Variants in ZNF35 observed in about 807,000 individuals in gnomAD.
ZNF35 encodes the protein zinc finger protein 35, also known as zinc finger protein 35 (clone HF.10).
Under a neutral mutation model 45.9 loss-of-function variants are expected in ZNF35, and 31 were observed. The ratio of observed to expected loss-of-function variants is 0.68; its 90% CI spans 0.51 to 0.91. The LOEUF is 0.91. Among genes scored for constraint, ZNF35 ranks in the 40% least tolerant of loss-of-function variants. ZNF35 has a pLI of 0.00. For missense variants in ZNF35, 515 were observed against 625.4 expected (o/e 0.82, Z 1.88); for synonymous variants, 205 against 220.2 (o/e 0.93, Z 0.61).
At chr3:44,647,137 A>G (rs1164996856), upstream of ZNF35, 1 of 152,252 alleles carries the variant, frequency 6.6e-6, no homozygotes, top group East Asian at 1.9e-4. Flanking sequence ...TTTAACAGTA[A>G]TAAGTAAATA....
chr3:44,646,827 G>A, upstream of ZNF35: 1 of 326,564 alleles, frequency 3.1e-6, no homozygotes, highest in Non-Finnish European at 5.7e-6. Context: ...TTTGACAGGG[G>A]CAAAAGCAAT....
intron 1 of ZNF35, among the ~76,000 whole-genome samples, chr3:44,650,114 TTAATTC>T (rs1170873568): frequency 6.6e-6 from 1 of 152,044 alleles, no homozygotes; most frequent in Non-Finnish European, 1.5e-5. Context: ...GGTTATATAT[TTAATTC>T]TATATATTTC....
chr3:44,656,483 T>G (rs1703307540), intron 3 of ZNF35, among the ~76,000 whole-genome samples: 2 of 150,250 alleles, frequency 1.3e-5, no homozygotes, highest in Non-Finnish European at 3.0e-5. Context: ...CTCTGCCTCC[T>G]GGGTTCAATT....
At chr3:44,655,319 T>C (rs550643369) in intron 3 of ZNF35, among the ~76,000 whole-genome samples, 4 of 152,022 alleles carry the variant, frequency 2.6e-5, no homozygotes, top group Admixed American at 6.5e-5. Context: ...ATCTAATGAA[T>C]TGGACTTATA....
chr3:44,658,589 A>C (rs1312287330), intron 3 of ZNF35, 112 bp from the exon 4 acceptor site: 1 of 1,170,514 alleles, frequency 8.5e-7, no homozygotes, highest in African/African-American at 1.5e-5. Flanking sequence ...TCTTTGATGA[A>C]GCCATTTTGT....
chr3:44,658,157 G>T (rs1703341933), intron 3 of ZNF35, among the ~76,000 whole-genome samples: 1 of 152,118 alleles, frequency 6.6e-6, no homozygotes, highest in Non-Finnish European at 1.5e-5. Context: ...TGGCTGTCTT[G>T]GCAGCCAGTG....
In ZNF35 at chr3:44,652,614, G is replaced by A; in HGVS notation, c.250G>A (p.Ala84Thr). Residue 84 changes from alanine (A) to threonine (T), a missense_variant, in exon 3 of 4, where the codon GCT becomes ACT. Physicochemically the swap from Ala to Thr is moderately conservative, Grantham distance 58. This residue lies in a region of ZNF35 where 275 missense variants were observed against 295.7 expected (regional missense o/e 0.93). Transcript: ENST00000396056. The stretch of plus-strand genomic sequence containing the variant: ...CCTGAAAGCAACTCAGGAGGCACCT[G>A]CTGCTTCAACCCTTGGCAGCTACTC... ...VVLKATQEAP[A>T]ASTLGSYSLP... is the part of the protein sequence containing the mutation. The A allele has an allele frequency of 1.2e-6, 2 of 1,611,178 alleles. No homozygotes were observed. Among genetic ancestry groups the A allele is most frequent in the Non-Finnish European group, 1.7e-6 (2 of 1,178,832 alleles).
intron 3 of ZNF35, among the ~76,000 whole-genome samples, chr3:44,655,661 G>T (rs1703287145): frequency 6.6e-6 from 1 of 152,180 alleles, no homozygotes; most frequent in Non-Finnish European, 1.5e-5. Context: ...ATTTGAACTT[G>T]ACTATACCAG....
chr3:44,655,995 G>C (rs1303772653), intron 3 of ZNF35, among the ~76,000 whole-genome samples: 5 of 152,106 alleles, frequency 3.3e-5, no homozygotes, highest in African/African-American at 1.2e-4. Flanking sequence ...CTGGGGTATG[G>C]GAGGCCCACG....
At chr3:44,646,603 A>T (rs1702972494), upstream of ZNF35, 1 of 842,032 alleles carries the variant, frequency 1.2e-6, no homozygotes, top group Non-Finnish European at 2.0e-6. Flanking sequence ...TCAAAATATT[A>T]TTATGATGAA....
chr3:44,655,615 C>T (rs931969176), intron 3 of ZNF35, among the ~76,000 whole-genome samples: 16 of 152,100 alleles, frequency 1.1e-4, no homozygotes, highest in Admixed American at 7.9e-4. Context: ...GTTATACGCC[C>T]GGATTATTTG....
At chr3:44,652,917 G>C (rs1703230816) in intron 3 of ZNF35, among the ~76,000 whole-genome samples, 1 of 152,156 alleles carries the variant, frequency 6.6e-6, no homozygotes, top group Non-Finnish European at 1.5e-5. Context: ...GACAAACATA[G>C]GTGTTGTGCT....
At chr3:44,655,886 A>G (rs1703291578) in intron 3 of ZNF35, among the ~76,000 whole-genome samples, 1 of 152,224 alleles carries the variant, frequency 6.6e-6, no homozygotes, top group South Asian at 2.1e-4. Context: ...CCAACATTCT[A>G]AATCTCCCAG....
At position 44,650,942 on chromosome 3, in the gene ZNF35, A is replaced by G; in HGVS notation, c.-126A>G. On this transcript the variant is annotated splice_region_variant and 5_prime_UTR_variant, in exon 2 of 4. The change creates a new upstream start codon in the 5' untranslated region. Transcript: ENST00000396056. ...TAACAGTGTTTTCTGATTTCTCAGTAGGCAGTACTCATCTTGGCCCTGGGA... is the reference window on the plus strand; with the variant it reads ...TAACAGTGTTTTCTGATTTCTCAGTGGGCAGTACTCATCTTGGCCCTGGGA... The G allele has an allele frequency of 1.1e-6, 1 of 892,092 alleles. No individual in the cohort carries two copies. The allele number at this position is 892,092 out of a possible 1,614,324, so 55.3% of individuals were successfully genotyped here.
chr3:44,653,919 T>C (rs1387050211), intron 3 of ZNF35, among the ~76,000 whole-genome samples: 1 of 152,176 alleles, frequency 6.6e-6, no homozygotes, highest in Non-Finnish European at 1.5e-5. Context: ...CCCTAACCAG[T>C]TCCTCAGGCA....
chr3:44,653,183 CTTAAT>C (rs1489505900), intron 3 of ZNF35, among the ~76,000 whole-genome samples: 1 of 152,108 alleles, frequency 6.6e-6, no homozygotes, highest in Admixed American at 6.5e-5. Context: ...ACCTGGCAGC[CTTAAT>C]TTAACCCAAA....
At chr3:44,655,788 G>A (rs1000148749) in intron 3 of ZNF35, among the ~76,000 whole-genome samples, 5 of 152,316 alleles carry the variant, frequency 3.3e-5, no homozygotes, top group Non-Finnish European at 7.3e-5. Context: ...GTTTTGTAAT[G>A]GTTTTGACAT....
At position 44,659,280 on chromosome 3, in the gene ZNF35, T is replaced by C. The variant is rs191633770; in HGVS notation, c.917T>C (p.Phe306Ser). 6.2e-7 allele frequency: 1 copy of C among 1,613,872 alleles called. No individual in the cohort carries two copies. Among genetic ancestry groups the C allele is most frequent in the East Asian group, 2.2e-5 (1 of 44,876 alleles). ...AAAATCCACTCCTTAGAAAAAACTT[T>C]TAAGTGCAATGAATGTGAGAAAGCC... ...HQKIHSLEKT[F>S]KCNECEKAFS... Residue 306 changes from phenylalanine to serine, a missense_variant, in exon 4 of 4, where the codon TTT (phenylalanine) becomes TCT (serine). Physicochemically the swap from Phe to Ser is radical, Grantham distance 155. Coordinates refer to ENST00000396056, the MANE Select transcript of ZNF35 (RefSeq NM_003420.4). The surrounding 1 kb of genome is among the most constrained non-coding windows in gnomAD (Gnocchi z 4.3).
intron 2 of ZNF35, among the ~76,000 whole-genome samples, chr3:44,651,927 A>T (rs73074486): frequency 0.03 from 4,641 of 152,170 alleles, 105 homozygotes; most frequent in Middle Eastern, 0.048. Flanking sequence ...GACAATGCTA[A>T]CCAGAGCTTC....
Sources: allele counts gnomAD v4.1 joint callset (sites outside exome capture counted in the v4.1 genomes callset), GRCh38; gene constraint gnomAD v4.1.1; regional missense constraint gnomAD v4.1.1; non-coding constraint Gnocchi (gnomAD v3.1); transcripts MANE v1.5; gene names NCBI Gene and HGNC (gene_info 2026-07-23, HGNC 2026-07-21).